The following RNF111 variants were observed in gnomAD, a reference collection of about 807,000 sequenced individuals.
RNF111 encodes ring finger protein 111, also known as E3 ubiquitin-protein ligase Arkadia.
A neutral mutation model predicts 95.1 loss-of-function variants in RNF111; 17 were observed. The ratio of observed to expected loss-of-function variants is 0.18; its 90% CI spans 0.12 to 0.27. The LOEUF is 0.27. RNF111 is among the 10% of genes least tolerant of loss of function. The pLI is 1.00. For synonymous variants in RNF111, 440 were observed against 414.8 expected, an observed-to-expected ratio of 1.06 and a Z score of -0.74; for missense variants, 1,189 against 1,210.4, an observed-to-expected ratio of 0.98 and a Z score of 0.26.
intron 1 of RNF111, among the ~76,000 whole-genome samples, chr15:59,025,502 A>G (rs1198509689): frequency 1.3e-5 from 2 of 152,218 alleles, no homozygotes; most frequent in South Asian, 2.1e-4. Context: ...GTAGAAGAGA[A>G]TATTCTTTCA....
At chr15:59,012,287 G>A (rs2141561207) in intron 1 of RNF111, among the ~76,000 whole-genome samples, 1 of 152,172 alleles carries the variant, frequency 6.6e-6, no homozygotes, top group African/African-American at 2.4e-5. Flanking sequence ...CCAAAATGTT[G>A]AGATTACAGG....
At chr15:58,992,715 G>A (rs1380563944) in intron 1 of RNF111, among the ~76,000 whole-genome samples, 4 of 152,188 alleles carry the variant, frequency 2.6e-5, no homozygotes, top group African/African-American at 7.2e-5. Context: ...AGCTACTCGG[G>A]AGGCTGAGGT....
At chr15:59,019,455 G>A (rs904426630) in intron 1 of RNF111, among the ~76,000 whole-genome samples, 16 of 152,114 alleles carry the variant, frequency 1.1e-4, no homozygotes, top group African/African-American at 3.6e-4. Flanking sequence ...CCAATTTGGA[G>A]TCCTTGTTCA....
At chr15:59,041,646 T>C (rs1187523901) in intron 2 of RNF111, among the ~76,000 whole-genome samples, 1 of 152,212 alleles carries the variant, frequency 6.6e-6, no homozygotes, top group Non-Finnish European at 1.5e-5. Flanking sequence ...GGAATAGTAT[T>C]CTAGAAGGCA....
chr15:59,089,855 A>C (rs1277821056), intron 11 of RNF111, 96 bp downstream of exon 11: 14 of 743,094 alleles, frequency 1.9e-5, no homozygotes, highest in Non-Finnish European at 3.1e-5. Context: ...GGACTGCTAC[A>C]GTGGCTGGGA....
At chr15:59,041,266 C>T (rs2041435994) in intron 2 of RNF111, among the ~76,000 whole-genome samples, 1 of 152,036 alleles carries the variant, frequency 6.6e-6, no homozygotes. Flanking sequence ...CAATAAATAG[C>T]TTTTCTTGAC....
At chr15:59,029,567 T>C (rs993797542) in intron 1 of RNF111, among the ~76,000 whole-genome samples, 5 of 152,348 alleles carry the variant, frequency 3.3e-5, no homozygotes, top group Middle Eastern at 3.4e-3. Flanking sequence ...TTATATACTA[T>C]AGTAACATGG....
At position 59,007,840 on chromosome 15, in the gene RNF111, G is replaced by A. The variant is rs561575945; in HGVS notation, c.-20+19772G>A. 3.3e-5 allele frequency among the ~76,000 whole-genome samples: 5 copies of A among 152,218 alleles called. No homozygotes were observed. The South Asian group carries it at 1.0e-3, about 32-fold the overall frequency. On this transcript the variant is annotated intron_variant, in intron 1 of 13. Transcript: ENST00000348370. ...TCTTTTGCCTATTTTTTGTGGGGTTGTGTTATTAGAATATAAGAGTTTTTT... is the reference window on the plus strand; with the variant it reads ...TCTTTTGCCTATTTTTTGTGGGGTTATGTTATTAGAATATAAGAGTTTTTT...
chr15:59,061,679 A>T (rs1370506248), intron 5 of RNF111, among the ~76,000 whole-genome samples: 1 of 151,544 alleles, frequency 6.6e-6, no homozygotes, highest in African/African-American at 2.4e-5. Flanking sequence ...TCTGTGCTCT[A>T]CCTCTTATCC....
chr15:59,011,592 T>A (rs1430031433), intron 1 of RNF111, among the ~76,000 whole-genome samples: 5 of 152,212 alleles, frequency 3.3e-5, no homozygotes, highest in African/African-American at 1.2e-4. Flanking sequence ...AGGCCCCTCT[T>A]CTTGGTTTAT....
intron 8 of RNF111, among the ~76,000 whole-genome samples, chr15:59,083,535 C>CA (rs760110284): frequency 0.069 from 8,618 of 125,364 alleles, 815 homozygotes; most frequent in African/African-American, 0.23. Flanking sequence ...ACTTCCTCTC[C>CA]AAAAAAAAAA....
intron 13 of RNF111, chr15:59,093,543 A>C (rs2079116126): frequency 3.1e-6 from 1 of 325,634 alleles, no homozygotes; most frequent in Admixed American, 4.4e-5. Flanking sequence ...TTTGTCATAA[A>C]ATTTCCTCTA....
chr15:59,022,199 T>A (rs78637059), intron 1 of RNF111, among the ~76,000 whole-genome samples: 2,298 of 152,268 alleles, frequency 0.015, 41 homozygotes, highest in East Asian at 0.031. Flanking sequence ...TTTATAAGAC[T>A]AATTAACCTT....
At chr15:59,092,804 G>A (rs1276111858) in intron 13 of RNF111, among the ~76,000 whole-genome samples, 164 bp downstream of exon 13, 5 of 152,092 alleles carry the variant, frequency 3.3e-5, no homozygotes, top group Admixed American at 3.3e-4. Context: ...GGCCAACCTG[G>A]GCAACATAAC....
chr15:59,073,158 G>A (rs1482825621), intron 6 of RNF111, among the ~76,000 whole-genome samples: 1 of 152,084 alleles, frequency 6.6e-6, no homozygotes, highest in Non-Finnish European at 1.5e-5. Flanking sequence ...AGGCAACACA[G>A]TGAGACCTTG....
intron 6 of RNF111, 70 bp from the exon 7 acceptor site, chr15:59,075,884 A>G (rs560734511): frequency 6.7e-7 from 1 of 1,491,356 alleles, no homozygotes; most frequent in Admixed American, 1.9e-5. Context: ...TATTAGGAAT[A>G]CTTTTATAAT....
chr15:59,038,785 G>A (rs2041305604), intron 2 of RNF111, among the ~76,000 whole-genome samples: 1 of 152,050 alleles, frequency 6.6e-6, no homozygotes, highest in African/African-American at 2.4e-5. Flanking sequence ...GTTTAGTTCC[G>A]GCAGTACTTT....
At chr15:59,050,032 G>C (rs1407006020) in intron 2 of RNF111, among the ~76,000 whole-genome samples, 1 of 150,200 alleles carries the variant, frequency 6.7e-6, no homozygotes, top group Non-Finnish European at 1.5e-5. Context: ...GAGCCACCAC[G>C]CCCGGCCCAC....
intron 1 of RNF111, among the ~76,000 whole-genome samples, chr15:58,989,772 G>A (rs1237086629): frequency 1.3e-5 from 2 of 151,916 alleles, no homozygotes; most frequent in Non-Finnish European, 2.9e-5. Context: ...ATAAAGCTAA[G>A]GTGCAGTCAT....
Sources: allele counts gnomAD v4.1 joint callset (sites outside exome capture counted in the v4.1 genomes callset), GRCh38; gene constraint gnomAD v4.1.1; transcripts MANE v1.5; gene names NCBI Gene and HGNC (gene_info 2026-07-23, HGNC 2026-07-21).